Variants in NUGGC observed in about 807,000 individuals in gnomAD.
NUGGC encodes nuclear GTPase, germinal center associated, also known as nuclear GTPase SLIP-GC.
NUGGC carries 58 observed loss-of-function variants against 92.6 expected under a neutral mutation model. That is an observed-to-expected ratio of 0.63 (90% CI 0.51 to 0.78). The LOEUF is 0.78. NUGGC is among the 30% of genes least tolerant of loss of function. The probability of loss-of-function intolerance (pLI) is 0.00; values close to 1 mark genes in which losing one functional copy is unlikely to be tolerated. For synonymous variants in NUGGC, 376 were observed against 366.4 expected, an observed-to-expected ratio of 1.03 and a Z score of -0.30; for missense variants, 925 against 964.6, an observed-to-expected ratio of 0.96 and a Z score of 0.54.
At chr8:28,077,156 T>C (rs17487691) in intron 1 of NUGGC, among the ~76,000 whole-genome samples, 24,867 of 151,782 alleles carry the variant, frequency 0.16, 2,208 homozygotes, top group Admixed American at 0.19. Flanking sequence ...CAATTTCTGG[T>C]TTGGAATACT....
At chr8:28,039,816 T>C (rs1356909734) in intron 13 of NUGGC, among the ~76,000 whole-genome samples, 3 of 152,198 alleles carry the variant, frequency 2.0e-5, no homozygotes, top group Admixed American at 1.3e-4. Flanking sequence ...ATGGGTGCTA[T>C]GGACTAAAGT....
At chr8:28,029,182 T>C (rs994289947) in intron 17 of NUGGC, 84 bp downstream of exon 17, 14 of 1,423,900 alleles carry the variant, frequency 9.8e-6, no homozygotes, top group Non-Finnish European at 1.2e-5. Flanking sequence ...AAATGCCTAC[T>C]ATGCCTTCCA....
In NUGGC at chr8:28,031,324, G is replaced by A. The variant is rs554844302; in HGVS notation, c.1827C>T (p.Ser609=). 1.2e-6 allele frequency: 2 copies of A among 1,613,864 alleles called. No individual in the cohort carries two copies. Among genetic ancestry groups the A allele is most frequent in the South Asian group, 2.2e-5 (2 of 91,088 alleles). Residue 609 remains serine, a synonymous_variant, in exon 15 of 19, where the codon TCC becomes TCT. Coordinates refer to ENST00000413272, the MANE Select transcript of NUGGC (RefSeq NM_001010906.2). The stretch of plus-strand genomic sequence containing the variant: ...CAATTTCTGTCATTTTCTCCTGCAG[G>A]GACTGCTTAAAAGCATCTATGTGAG... ...LMPHIDAFKQ[S]LQEKMTEIGI...
At chr8:28,076,926 T>TG (rs540234315) in intron 1 of NUGGC, among the ~76,000 whole-genome samples, 2 of 152,336 alleles carry the variant, frequency 1.3e-5, no homozygotes, top group Non-Finnish European at 2.9e-5. Context: ...TAATCAGAGT[T>TG]GTCCAAAATG....
At chr8:28,082,856 T>C (rs1354809459) in intron 1 of NUGGC, among the ~76,000 whole-genome samples, 7 of 152,086 alleles carry the variant, frequency 4.6e-5, no homozygotes, top group African/African-American at 1.7e-4. Flanking sequence ...CAGTGAGCCA[T>C]GTTCATACCA....
chr8:28,045,138 A>T (rs1272765863), intron 12 of NUGGC, among the ~76,000 whole-genome samples: 2 of 152,324 alleles, frequency 1.3e-5, no homozygotes, highest in Non-Finnish European at 2.9e-5. Flanking sequence ...CCAGAGACAG[A>T]TGAAATATTT....
At chr8:28,082,878 C>T (rs1372647576) in intron 1 of NUGGC, among the ~76,000 whole-genome samples, 2 of 152,164 alleles carry the variant, frequency 1.3e-5, no homozygotes, top group African/African-American at 4.8e-5. Flanking sequence ...TGCACTCCAG[C>T]CTGGGTAACA....
chr8:28,041,810 A>G (rs1809706657), intron 12 of NUGGC, among the ~76,000 whole-genome samples: 1 of 152,248 alleles, frequency 6.6e-6, no homozygotes, highest in Admixed American at 6.5e-5. Context: ...TCTTCAAAGA[A>G]TACAGTCTAA....
At chr8:28,026,940 T>G in intron 18 of NUGGC, 22 bp downstream of exon 18, 1 of 1,535,578 alleles carries the variant, frequency 6.5e-7, no homozygotes, top group Non-Finnish European at 9.0e-7. Flanking sequence ...TCACCCTGTA[T>G]ACAAAGCTTT....
rs200051716 is a variant in NUGGC at position 28,070,305 on chromosome 8, C to T, written c.95G>A (p.Arg32Gln). 572 of 1,553,290 alleles carry T rather than the reference C, an allele frequency of 3.7e-4. 2 individuals are homozygous for T. The highest frequency in any genetic ancestry group is 3.7e-4 in the Non-Finnish European group (420 of 1,146,922). The change falls in exon 3 of 19, where the codon CGA becomes CAA. Residue 32 changes from arginine (R) to glutamine (Q), a missense_variant. Arg to Gln is a conservative substitution (Grantham distance 43). Transcript: ENST00000413272. ...ERTRKRRKSD[R>Q]DQRFRAFPSM... ...GGGAAATGCTCGGAACCGCTGGTCT[C>T]GATCTGATTTCCTTCTTTTTCTCGT...
intron 10 of NUGGC, among the ~76,000 whole-genome samples, chr8:28,051,652 G>A (rs1433715040): frequency 2.6e-5 from 4 of 152,234 alleles, no homozygotes; most frequent in South Asian, 2.1e-4. Context: ...GCGGCCAGGT[G>A]CATTGGCTCA....
chr8:28,075,272 C>A (rs938508738), intron 1 of NUGGC, among the ~76,000 whole-genome samples: 1 of 152,156 alleles, frequency 6.6e-6, no homozygotes, highest in Non-Finnish European at 1.5e-5. Flanking sequence ...CAGGAGGACA[C>A]CCCTCCTGGG....
chr8:28,067,819 C>G, intron 5 of NUGGC, 75 bp from the exon 6 acceptor site: 1 of 1,194,524 alleles, frequency 8.4e-7, no homozygotes, highest in Non-Finnish European at 1.2e-6. Flanking sequence ...GGGCCCATTG[C>G]CCCCTGTGGA....
At chr8:28,048,326 A>C (rs6983460) in intron 10 of NUGGC, among the ~76,000 whole-genome samples, 41,249 of 151,934 alleles carry the variant, frequency 0.27, 5,881 homozygotes, top group East Asian at 0.45. Context: ...CCAAAATTCA[A>C]ATGTTGAGGT....
intron 9 of NUGGC, among the ~76,000 whole-genome samples, chr8:28,056,472 T>C (rs13274655): frequency 0.33 from 49,245 of 148,440 alleles, 9,711 homozygotes; most frequent in African/African-American, 0.55. Context: ...AGTGAGACTG[T>C]ATCTCAAAAA....
At chr8:28,053,675 C>T (rs1810063205) in intron 10 of NUGGC, among the ~76,000 whole-genome samples, 2 of 152,158 alleles carry the variant, frequency 1.3e-5, no homozygotes, top group South Asian at 4.1e-4. Context: ...TATTGCTGCC[C>T]AGGCCCTAAC....
Position 28,044,139 on chromosome 8 carries a change from C to T in NUGGC, c.1446+1388G>A, listed in dbSNP as rs562432252. Among the ~76,000 whole-genome samples the T allele has an allele frequency of 6.9e-4, 105 of 152,224 alleles. 1 individual carries two copies. Among genetic ancestry groups the T allele is most frequent in the African/African-American group, 2.3e-3 (95 of 41,522 alleles). ...TCGAGTGTCTGCCTCCCCTTGCCAC[C>T]CCACAGGGTCATCATTGGCCCACCT... On this transcript the variant is annotated intron_variant, in intron 12 of 18. Transcript: ENST00000413272.
At chr8:28,083,623 A>G (rs1488088964) in intron 1 of NUGGC, among the ~76,000 whole-genome samples, 152 bp downstream of exon 1, 1 of 152,192 alleles carries the variant, frequency 6.6e-6, no homozygotes, top group Non-Finnish European at 1.5e-5. Flanking sequence ...CTAATACAAG[A>G]TAATGGGGAA....
Position 28,023,335 on chromosome 8 carries a change from G to A in NUGGC, c.2373C>T (p.Pro791=). ...LLRASPSKAG[P]PGTSL is the part of the protein sequence containing the mutation. ...CCAGGAGTTACAGTGATGTCCCGGG[G>A]GGGCCAGCCTTGCTGGGGGATGCCC... Residue 791 remains proline, a synonymous_variant, in exon 19 of 19, where the codon CCC becomes CCT. Coordinates refer to ENST00000413272, the MANE Select transcript of NUGGC (RefSeq NM_001010906.2). The A allele has an allele frequency of 6.2e-7, 1 of 1,613,646 alleles. No individual in the cohort carries two copies. The highest frequency in any genetic ancestry group is 8.5e-7 in the Non-Finnish European group (1 of 1,179,740).
Sources: gnomAD v4.1 joint callset for allele counts (sites outside exome capture counted in the v4.1 genomes callset) on GRCh38, gnomAD v4.1.1 for gene constraint, MANE v1.5 for transcripts, NCBI Gene and HGNC (gene_info 2026-07-23, HGNC 2026-07-21) for gene names.